SPAG9: variants seen among roughly 807,000 people sequenced by gnomAD.
The protein encoded by SPAG9 is C-Jun-amino-terminal kinase-interacting protein 4.
Under a neutral mutation model 166.5 loss-of-function variants are expected in SPAG9, and 35 were observed. The observed-to-expected ratio is 0.21, with a 90% CI of 0.16 to 0.28. The LOEUF (loss-of-function observed/expected upper bound fraction) is 0.28, where lower values mean the gene tolerates loss of function less well. SPAG9 is among the 10% of genes least tolerant of loss of function. The probability of loss-of-function intolerance (pLI) is 1.00; values close to 1 mark genes in which losing one functional copy is unlikely to be tolerated. For synonymous variants in SPAG9, 534 were observed against 565.5 expected (o/e 0.94, Z 0.79); for missense variants, 1,235 against 1,603.3 (o/e 0.77, Z 3.92).
At chr17:50,981,753 C>A (rs1844323028) in intron 25 of SPAG9, among the ~76,000 whole-genome samples, 1 of 150,160 alleles carries the variant, frequency 6.7e-6, no homozygotes, top group South Asian at 2.1e-4. Context: ...CAATGCTAGG[C>A]CGGACGCGGT....
intron 8 of SPAG9, 24 bp from the exon 9 acceptor site, chr17:51,014,377 C>A (rs1486496802): frequency 5.0e-6 from 8 of 1,585,260 alleles, no homozygotes; most frequent in Middle Eastern, 1.7e-4. Context: ...ACAACAAAAC[C>A]AAATCAACAA....
intron 1 of SPAG9, among the ~76,000 whole-genome samples, chr17:51,110,581 T>C (rs1170469670): frequency 2.0e-5 from 3 of 151,904 alleles, no homozygotes; most frequent in Non-Finnish European, 2.9e-5. Flanking sequence ...CCCATCTACT[T>C]GGGAGGCTGA....
At chr17:51,089,620 T>TA (rs2048398411) in intron 1 of SPAG9, among the ~76,000 whole-genome samples, 3 of 40,476 alleles carry the variant, frequency 7.4e-5, no homozygotes, top group African/African-American at 2.0e-4. Flanking sequence ...ACACTTTATT[T>TA]TATATATATA....
chr17:51,040,267 G>T (rs959191211), intron 5 of SPAG9, among the ~76,000 whole-genome samples: 3 of 149,584 alleles, frequency 2.0e-5, no homozygotes, highest in Non-Finnish European at 4.5e-5. Flanking sequence ...AAAAAAAAGT[G>T]AGAGCGAGCG....
chr17:50,993,093 C>G, intron 19 of SPAG9, among the ~76,000 whole-genome samples: 1 of 113,712 alleles, frequency 8.8e-6, no homozygotes, highest in South Asian at 2.9e-4. Flanking sequence ...AAGACTCCAT[C>G]TCAAAAAAAA....
At chr17:51,100,791 T>C (rs2048786773) in intron 1 of SPAG9, among the ~76,000 whole-genome samples, 1 of 152,040 alleles carries the variant, frequency 6.6e-6, no homozygotes, top group Non-Finnish European at 1.5e-5. Context: ...TGGTGGTGCA[T>C]GCCTGTAATC....
At chr17:51,014,451 T>G (rs375539399) in intron 8 of SPAG9, 98 bp from the exon 9 acceptor site, 2 of 969,172 alleles carry the variant, frequency 2.1e-6, no homozygotes, top group African/African-American at 3.4e-5. Flanking sequence ...AGGACTTTCT[T>G]ACCTATAATT....
chr17:51,014,151 T>C (rs1489551273), intron 9 of SPAG9, 81 bp downstream of exon 9: 20 of 1,335,328 alleles, frequency 1.5e-5, no homozygotes, highest in East Asian at 4.9e-5. Context: ...GTTGGGGACA[T>C]TTTAAAGGAC....
At position 51,041,601 on chromosome 17, in the gene SPAG9, C is replaced by T; in HGVS notation, c.641G>A (p.Gly214Glu). The T allele has an allele frequency of 6.2e-7, 1 of 1,613,930 alleles. No homozygotes were observed. Among genetic ancestry groups the T allele is most frequent in the Non-Finnish European group, 8.5e-7 (1 of 1,179,858 alleles). Residue 214 changes from glycine (G) to glutamate (E), a missense_variant, in exon 5 of 30, where the codon GGA becomes GAA. This residue lies in a region of SPAG9 where 288 missense variants were observed against 323.7 expected (regional missense o/e 0.89). Coordinates refer to ENST00000262013, the MANE Select transcript of SPAG9 (RefSeq NM_001130528.3). ...TTTCTGAGCATCAGGTGTAAGCAAT[C>T]CATCTCCAGCAGGTAATGGGAAAAT... ...LGIFPLPAGD[G>E]LLTPDAQKGG...
chr17:50,990,177 G>A (rs943004575), intron 20 of SPAG9: 30 of 511,882 alleles, frequency 5.9e-5, no homozygotes, highest in South Asian at 1.2e-4. Flanking sequence ...ACAGGCACCC[G>A]CCACCACGCC....
chr17:51,096,650 G>A (rs932541211), intron 1 of SPAG9, among the ~76,000 whole-genome samples: 1 of 152,084 alleles, frequency 6.6e-6, no homozygotes, highest in African/African-American at 2.4e-5. Flanking sequence ...AATATATAAT[G>A]TGGTAATGAA....
intron 26 of SPAG9, among the ~76,000 whole-genome samples, chr17:50,979,390 A>G (rs1974429111): frequency 6.6e-6 from 1 of 151,506 alleles, no homozygotes; most frequent in Non-Finnish European, 1.5e-5. Context: ...GAAAAAAAAA[A>G]AAAAAAAAGA....
intron 1 of SPAG9, among the ~76,000 whole-genome samples, chr17:51,110,772 T>C (rs1481544473): frequency 1.3e-5 from 2 of 152,102 alleles, no homozygotes; most frequent in African/African-American, 4.8e-5. Flanking sequence ...ACCTCACACA[T>C]TTTTGGGTGT....
chr17:51,098,476 GT>G (rs1414222105), intron 1 of SPAG9, among the ~76,000 whole-genome samples: 2 of 151,972 alleles, frequency 1.3e-5, no homozygotes, highest in African/African-American at 4.8e-5. Context: ...GCCTGTGGGG[GT>G]AAATGGGTTT....
chr17:50,987,495 T>TCA (rs1975144037), intron 21 of SPAG9, among the ~76,000 whole-genome samples: 2 of 149,490 alleles, frequency 1.3e-5, no homozygotes, highest in African/African-American at 4.9e-5. Context: ...ACACACACTA[T>TCA]CACACCTGGC....
At chr17:51,111,911 T>C (rs1408257738) in intron 1 of SPAG9, among the ~76,000 whole-genome samples, 2 of 152,116 alleles carry the variant, frequency 1.3e-5, no homozygotes, top group East Asian at 3.8e-4. Context: ...CGTTCTTTTG[T>C]GATTTTTAAC....
At chr17:50,987,774 G>A (rs938874130) in intron 21 of SPAG9, among the ~76,000 whole-genome samples, 2 of 151,986 alleles carry the variant, frequency 1.3e-5, no homozygotes. Flanking sequence ...CAAATAGTAG[G>A]GAGAAATATA....
intron 27 of SPAG9, among the ~76,000 whole-genome samples, chr17:50,976,428 C>G (rs1168349187): frequency 6.6e-6 from 1 of 152,096 alleles, no homozygotes; most frequent in Non-Finnish European, 1.5e-5. Flanking sequence ...TTCCGAAATA[C>G]CTTCTAGTCT....
intron 6 of SPAG9, among the ~76,000 whole-genome samples, chr17:51,028,349 TTC>T (rs2046268620): frequency 6.6e-6 from 1 of 152,222 alleles, no homozygotes; most frequent in East Asian, 1.9e-4. Context: ...GGCCTTCATA[TTC>T]ACTCACTGCT....
Sources: allele counts gnomAD v4.1 joint callset (sites outside exome capture counted in the v4.1 genomes callset), GRCh38; gene constraint gnomAD v4.1.1; regional missense constraint gnomAD v4.1.1; transcripts MANE v1.5; gene names NCBI Gene and HGNC (gene_info 2026-07-23, HGNC 2026-07-21).